MYBPC2: variants seen among roughly 807,000 people sequenced by gnomAD.
MYBPC2 encodes the protein myosin binding protein C2, also known as myosin-binding protein C, fast-type.
In MYBPC2, 122 loss-of-function variants were observed where a neutral mutation model predicts 137.0. The ratio of observed to expected loss-of-function variants is 0.89; its 90% confidence interval spans 0.77 to 1.03. MYBPC2 has a LOEUF of 1.03. Among genes scored for constraint, MYBPC2 ranks in the 50% least tolerant of loss-of-function variants. The pLI is 0.00. For synonymous variants in MYBPC2, 626 were observed against 612.3 expected (o/e 1.02, Z -0.33); for missense variants, 1,500 against 1,534.4 (o/e 0.98, Z 0.37).
In MYBPC2 at chr19:50,435,283, T is replaced by C. The variant is rs1480653442; in HGVS notation, c.109+33T>C. 1 of 774,940 alleles carries C rather than the reference T, an allele frequency of 1.3e-6. No homozygotes were observed. The highest frequency in any genetic ancestry group is 2.0e-5 in the Admixed American group (1 of 50,202). 48.0% of individuals were successfully genotyped at this position (774,940 alleles called of 1,614,324 possible). On this transcript the variant is annotated intron_variant, in intron 2 of 27. Transcript: ENST00000357701. The surrounding 1 kb of genome is among the most constrained non-coding windows in gnomAD (Gnocchi z 4.8). The stretch of plus-strand genomic sequence containing the variant: ...GGTGCTCCCTCGGGCTCAACCGACC[T>C]GGCTTCTCATCTCCATCCTCCTCGC...
chr19:50,437,776 G>A, intron 7 of MYBPC2, 58 bp downstream of exon 7: 2 of 1,544,902 alleles, frequency 1.3e-6, no homozygotes, highest in Non-Finnish European at 1.8e-6. Flanking sequence ...GGAGGTGGTG[G>A]GTGAAGCTCC....
chr19:50,442,657 A>G (rs1336190847), intron 9 of MYBPC2, among the ~76,000 whole-genome samples: 1 of 151,694 alleles, frequency 6.6e-6, no homozygotes, highest in East Asian at 2.0e-4. Context: ...CCCAGGAGGC[A>G]AGAGGTTGCG....
At chr19:50,438,509 G>C (rs776049849) in intron 7 of MYBPC2, among the ~76,000 whole-genome samples, 1 of 152,116 alleles carries the variant, frequency 6.6e-6, no homozygotes, top group African/African-American at 2.4e-5. Flanking sequence ...CAGTTGACAC[G>C]CCCATCCACA....
rs940249443 is a variant in MYBPC2 at position 50,435,043 on chromosome 19, G to A, written c.20-118G>A. On this transcript the variant is annotated intron_variant, in intron 1 of 27. Transcript: ENST00000357701. This position sits in a 1 kb window ranked among gnomAD's most constrained non-coding sequence, Gnocchi z 4.8. ...CTGGGTCTGAGGGAGGAGGGGCTGG[G>A]GGCCTGGACTCCTGGGTCTGAGGGA... 3 of 672,608 alleles carry A rather than the reference G, an allele frequency of 4.5e-6. No homozygotes were observed. The highest frequency in any genetic ancestry group is 5.6e-5 in the East Asian group (2 of 35,710). 41.7% of individuals were successfully genotyped at this position (672,608 alleles called of 1,614,324 possible).
chr19:50,457,310 T>C (rs2087741933), intron 20 of MYBPC2, among the ~76,000 whole-genome samples: 1 of 152,158 alleles, frequency 6.6e-6, no homozygotes, highest in South Asian at 2.1e-4. Flanking sequence ...GAGTTCACTC[T>C]GTTGATTGCT....
rs1040364755 is a variant in MYBPC2, at chr19:50,459,270, A to C, written c.2755A>C (p.Met919Leu). 3.1e-6 allele frequency: 5 copies of C among 1,609,772 alleles called. No homozygotes were observed. Among genetic ancestry groups the C allele is most frequent in the African/African-American group, 1.3e-5 (1 of 74,512 alleles). ...CGAGCTGAGCGTGCAGATCGAGAAC[A>C]TGAAGGACACCGCCACCATCCGCAT... Reference protein sequence around the residue: ...EYELSVQIENMKDTATIRIRV... With the variant: ...EYELSVQIENLKDTATIRIRV... The change falls in exon 23 of 28, where the codon ATG (methionine) becomes CTG (leucine). Residue 919 changes from methionine (M) to leucine (L), a missense_variant. By Grantham distance (15) the Met-to-Leu change is conservative (BLOSUM62 2). Coordinates refer to ENST00000357701, the MANE Select transcript of MYBPC2 (RefSeq NM_004533.4).
At chr19:50,449,310 C>T (rs1159142680) in intron 13 of MYBPC2, among the ~76,000 whole-genome samples, 2 of 152,200 alleles carry the variant, frequency 1.3e-5, no homozygotes, top group Non-Finnish European at 2.9e-5. Flanking sequence ...GCTGACTTTG[C>T]GTGGGCACTG....
In MYBPC2 at chr19:50,465,865, C is replaced by T. The variant is rs938073629; in HGVS notation, c.3416-330C>T. 3.3e-5 allele frequency among the ~76,000 whole-genome samples: 5 copies of T among 151,988 alleles called. No individual in the cohort carries two copies. The highest frequency in any genetic ancestry group is 1.2e-4 in the African/African-American group (5 of 41,360). On this transcript the variant is annotated intron_variant, in intron 27 of 27. Transcript: ENST00000357701. The surrounding 1 kb of genome is among the most constrained non-coding windows in gnomAD (Gnocchi z 4.5). Reference sequence around the variant, plus strand: ...TGTCTCAAAAACCAAACAAAAACACCCCAGATCACTGCCCTTCCAAGCCCA... The same window carrying T: ...TGTCTCAAAAACCAAACAAAAACACTCCAGATCACTGCCCTTCCAAGCCCA...
intron 24 of MYBPC2, among the ~76,000 whole-genome samples, chr19:50,461,122 G>C (rs1219171315): frequency 6.6e-6 from 1 of 151,844 alleles, no homozygotes; most frequent in Non-Finnish European, 1.5e-5. Flanking sequence ...TCCTCCCTCA[G>C]CCTCCCAAGT....
rs1339609983 is a variant in MYBPC2, at chr19:50,465,662, C to T, written c.3416-533C>T. 4.6e-5 allele frequency among the ~76,000 whole-genome samples: 7 copies of T among 152,100 alleles called. No homozygotes were observed. Among genetic ancestry groups the T allele is most frequent in the African/African-American group, 1.4e-4 (6 of 41,420 alleles). ...TTCAAGACCAGCCTGGGCAACATGGCGAAACCCTGTCTCTACTAAAAATAC... is the reference window on the plus strand; with the variant it reads ...TTCAAGACCAGCCTGGGCAACATGGTGAAACCCTGTCTCTACTAAAAATAC... On this transcript the variant is annotated intron_variant, in intron 27 of 27. Coordinates refer to ENST00000357701, the MANE Select transcript of MYBPC2 (RefSeq NM_004533.4). This position sits in a 1 kb window ranked among gnomAD's most constrained non-coding sequence, Gnocchi z 4.5.
chr19:50,459,411 G>C (rs1005621719), intron 23 of MYBPC2, 105 bp downstream of exon 23: 1 of 1,198,908 alleles, frequency 8.3e-7, no homozygotes, highest in Non-Finnish European at 1.1e-6. Flanking sequence ...GGGAGATGAA[G>C]GGTGGGAGAG....
rs2039826147 is a variant in MYBPC2 at position 50,448,395 on chromosome 19, G to A, written c.1472+5G>A. On this transcript the variant is annotated splice_donor_5th_base_variant and intron_variant, in intron 13 of 27. Coordinates refer to ENST00000357701, the MANE Select transcript of MYBPC2 (RefSeq NM_004533.4). ...CACCATTTCCCATGTAGGCAGGTGA[G>A]GAGTGGGCTGCAGAAGTGGCTGGGG... 1.2e-6 allele frequency: 2 copies of A among 1,613,086 alleles called. No individual in the cohort carries two copies. The highest frequency in any genetic ancestry group is 8.5e-7 in the Non-Finnish European group (1 of 1,179,264).
At chr19:50,448,864 A>C (rs1174786638) in intron 13 of MYBPC2, among the ~76,000 whole-genome samples, 1 of 150,362 alleles carries the variant, frequency 6.7e-6, no homozygotes. Flanking sequence ...CCTCCTGACT[A>C]GCTGGGACTA....
In MYBPC2 at chr19:50,460,326, C is replaced by T. The variant is rs905350022; in HGVS notation, c.2931+147C>T. ...CAGGAGGGAAGCCTTTTAGCTGAGA[C>T]TTGGCACGTGATGGGTTTTCATTTT... On this transcript the variant is annotated intron_variant, in intron 24 of 27. Transcript: ENST00000357701. 3.9e-5 allele frequency: 45 copies of T among 1,154,654 alleles called. No homozygotes were observed. In the East Asian group the frequency reaches 8.1e-4, roughly 21 times the overall value. 71.5% of individuals were successfully genotyped at this position (1,154,654 alleles called of 1,614,324 possible). A position where few individuals can be genotyped will look rare whatever the true frequency, so the allele number is the denominator to read the frequency against.
chr19:50,464,297 G>A (rs766867838), intron 26 of MYBPC2, 49 bp from the exon 27 acceptor site: 2 of 1,517,272 alleles, frequency 1.3e-6, no homozygotes, highest in Non-Finnish European at 1.8e-6. Flanking sequence ...TGTCATCATT[G>A]CCCAGGGTCT....
chr19:50,448,085 A>T, intron 12 of MYBPC2, 140 bp from the exon 13 acceptor site: 2 of 1,007,556 alleles, frequency 2.0e-6, no homozygotes, highest in Middle Eastern at 2.4e-4. Context: ...GAGCTTCCCG[A>T]GGCCAACGGG....
At chr19:50,459,862 G>A (rs568222126) in intron 23 of MYBPC2, among the ~76,000 whole-genome samples, 178 bp from the exon 24 acceptor site, 7 of 150,886 alleles carry the variant, frequency 4.6e-5, no homozygotes, top group African/African-American at 1.7e-4. Context: ...GGAGGGATGA[G>A]GGTGGCCCAG....
Position 50,464,221 on chromosome 19 carries a change from G to A in MYBPC2, c.3229-125G>A, listed in dbSNP as rs752097024. 3.7e-4 allele frequency: 313 copies of A among 839,926 alleles called. 1 individual carries two copies. In the East Asian group the frequency reaches 7.0e-3, roughly 19 times the overall value. 52.0% of individuals were successfully genotyped at this position (839,926 alleles called of 1,614,324 possible). On this transcript the variant is annotated intron_variant, in intron 26 of 27. Transcript: ENST00000357701. ...ACTGAGGGTCAGGGAGAAGTGACTC[G>A]TCCAAGAACATCTGGCAAGAGGGTG...
intron 1 of MYBPC2, 75 bp downstream of exon 1, chr19:50,433,047 T>C: frequency 6.7e-7 from 1 of 1,486,522 alleles, no homozygotes; most frequent in East Asian, 2.5e-5. Context: ...CCCCTCTGTT[T>C]GTAGGGTTGG....
Sources: allele counts gnomAD v4.1 joint callset (sites outside exome capture counted in the v4.1 genomes callset), GRCh38; gene constraint gnomAD v4.1.1; non-coding constraint Gnocchi (gnomAD v3.1); transcripts MANE v1.5; gene names NCBI Gene and HGNC (gene_info 2026-07-23, HGNC 2026-07-21).